The following RBFOX1 variants were observed in gnomAD, a reference collection of about 807,000 sequenced individuals.
The protein encoded by RBFOX1 is RNA binding protein fox-1 homolog 1.
Under a neutral mutation model 57.7 loss-of-function variants are expected in RBFOX1, and 8 were observed. The ratio of observed to expected loss-of-function variants is 0.14; its 90% CI spans 0.08 to 0.25. The LOEUF (loss-of-function observed/expected upper bound fraction) is 0.25, where lower values mean the gene tolerates loss of function less well. Ranked by LOEUF, RBFOX1 falls within the 10% of genes least tolerant of loss-of-function variation. The pLI, the probability that RBFOX1 is intolerant of heterozygous loss-of-function variation, is 1.00. For synonymous variants in RBFOX1, 326 were observed against 222.4 expected (o/e 1.47, Z -4.15); for missense variants, 611 against 548.5 (o/e 1.11, Z -1.14).
chr16:5,805,974 G>T (rs889406164), intron 3 of RBFOX1, among the ~76,000 whole-genome samples: 1 of 152,134 alleles, frequency 6.6e-6, no homozygotes, highest in Non-Finnish European at 1.5e-5. Flanking sequence ...GCACAGTGTT[G>T]ATCTCTCAGT....
chr16:5,285,537 A>G (rs1240230055), intron 1 of RBFOX1, among the ~76,000 whole-genome samples: 1 of 152,086 alleles, frequency 6.6e-6, no homozygotes, highest in Non-Finnish European at 1.5e-5. Context: ...TATTTCTTGC[A>G]TCCTTATGTG....
chr16:5,355,572 CAG>C (rs923850265), intron 1 of RBFOX1, among the ~76,000 whole-genome samples: 36 of 152,280 alleles, frequency 2.4e-4, no homozygotes, highest in African/African-American at 8.7e-4. Context: ...TATTTATAGA[CAG>C]AGACTTCTTC....
intron 4 of RBFOX1, among the ~76,000 whole-genome samples, chr16:7,374,817 C>G (rs1289498955): frequency 6.6e-6 from 1 of 152,150 alleles, no homozygotes; most frequent in African/African-American, 2.4e-5. Context: ...GTTTGGCCAC[C>G]TTATCTCAAA....
intron 14 of RBFOX1, chr16:7,693,515 C>T: frequency 1.6e-6 from 1 of 637,248 alleles, no homozygotes; most frequent in East Asian, 2.8e-5. Context: ...TGGAGTACAG[C>T]TGAAGCCTTG....
intron 4 of RBFOX1, among the ~76,000 whole-genome samples, chr16:5,884,944 G>T (rs971262382): frequency 1.3e-5 from 2 of 152,152 alleles, no homozygotes; most frequent in Admixed American, 1.3e-4. Context: ...AAGAGCTGGT[G>T]GTGCTGTAGG....
At chr16:7,450,354 A>G (rs1426136012) in intron 4 of RBFOX1, among the ~76,000 whole-genome samples, 3 of 124,308 alleles carry the variant, frequency 2.4e-5, no homozygotes, top group Non-Finnish European at 4.7e-5. Context: ...CAATCGCGCC[A>G]TTGCACTCCA....
chr16:5,989,988 A>G (rs2152318335), intron 4 of RBFOX1, among the ~76,000 whole-genome samples: 1 of 151,996 alleles, frequency 6.6e-6, no homozygotes, highest in African/African-American at 2.4e-5. Context: ...TCCTCACACC[A>G]GCCTTTTTGT....
At chr16:5,383,183 C>A (rs2066171864) in intron 1 of RBFOX1, among the ~76,000 whole-genome samples, 1 of 152,146 alleles carries the variant, frequency 6.6e-6, no homozygotes, top group Non-Finnish European at 1.5e-5. Flanking sequence ...GCCAACAAGT[C>A]TTCACTTACT....
intron 3 of RBFOX1, among the ~76,000 whole-genome samples, chr16:7,027,919 G>A (rs1473450766): frequency 6.6e-6 from 1 of 150,942 alleles, no homozygotes; most frequent in South Asian, 2.1e-4. Context: ...AGAAAAGAAG[G>A]GAAAAGAGAA....
At chr16:5,451,213 C>G (rs1443958737) in intron 1 of RBFOX1, among the ~76,000 whole-genome samples, 1 of 152,128 alleles carries the variant, frequency 6.6e-6, no homozygotes, top group African/African-American at 2.4e-5. Context: ...TTGTTAATTT[C>G]TAAGACCCAT....
intron 3 of RBFOX1, among the ~76,000 whole-genome samples, chr16:6,794,833 C>A (rs749888492): frequency 1.3e-5 from 2 of 152,138 alleles, no homozygotes; most frequent in African/African-American, 2.4e-5. Flanking sequence ...GCAGGCACTG[C>A]TTTCCAAGGT....
intron 4 of RBFOX1, among the ~76,000 whole-genome samples, chr16:7,081,097 C>T (rs891142738): frequency 2.4e-4 from 37 of 152,278 alleles, no homozygotes; most frequent in Middle Eastern, 3.4e-3. Flanking sequence ...TGCAGTGGCA[C>T]GATGTTGGCT....
intron 2 of RBFOX1, among the ~76,000 whole-genome samples, chr16:6,608,448 G>A (rs571234415): frequency 3.6e-3 from 541 of 152,152 alleles, no homozygotes; most frequent in African/African-American, 0.012. Flanking sequence ...ACCCTTATTC[G>A]TTTCCTGTTA....
chr16:7,424,020 T>C (rs2098577817), intron 4 of RBFOX1, among the ~76,000 whole-genome samples: 1 of 152,224 alleles, frequency 6.6e-6, no homozygotes, highest in Non-Finnish European at 1.5e-5. Flanking sequence ...TTGTTCTGTC[T>C]ATTTATATAA....
chr16:6,489,963 C>T (rs906765624), intron 2 of RBFOX1, among the ~76,000 whole-genome samples: 5 of 152,162 alleles, frequency 3.3e-5, no homozygotes, highest in Non-Finnish European at 7.4e-5. Context: ...AAGGTGTCTT[C>T]AAGAAACTTA....
intron 4 of RBFOX1, among the ~76,000 whole-genome samples, chr16:7,112,981 T>C (rs2065118853): frequency 6.6e-6 from 1 of 152,104 alleles, no homozygotes; most frequent in African/African-American, 2.4e-5. Context: ...GCTGCCGAAT[T>C]GGTTGGTTGT....
chr16:6,730,387 T>C (rs1157674523), intron 3 of RBFOX1, among the ~76,000 whole-genome samples: 7 of 150,630 alleles, frequency 4.6e-5, no homozygotes, highest in African/African-American at 7.5e-5. Context: ...TCTCTCTCTG[T>C]CTCTATCATC....
intron 3 of RBFOX1, among the ~76,000 whole-genome samples, chr16:6,702,669 A>C (rs1382635000): frequency 6.6e-6 from 1 of 152,218 alleles, no homozygotes; most frequent in African/African-American, 2.4e-5. Context: ...ACTGGTGAGA[A>C]TAATTGCTCA....
chr16:6,728,586 G>C (rs1469874326), intron 3 of RBFOX1, among the ~76,000 whole-genome samples: 1 of 152,156 alleles, frequency 6.6e-6, no homozygotes, highest in Non-Finnish European at 1.5e-5. Context: ...ACTCAATATA[G>C]GGAAGCAGTG....
Sources: allele counts gnomAD v4.1 joint callset (sites outside exome capture counted in the v4.1 genomes callset), GRCh38; gene constraint gnomAD v4.1.1; transcripts MANE v1.5; gene names NCBI Gene and HGNC (gene_info 2026-07-23, HGNC 2026-07-21).